The following PGR variants were observed in gnomAD, a reference collection of about 807,000 sequenced individuals.
PGR encodes the protein progesterone receptor, also known as nuclear receptor subfamily 3 group C member 3.
PGR carries 25 observed loss-of-function variants against 76.1 expected under a neutral mutation model. That is an observed-to-expected ratio of 0.33 (90% CI 0.24 to 0.46). The LOEUF is 0.46. Ranked by LOEUF, PGR falls within the 20% of genes least tolerant of loss-of-function variation. The probability of loss-of-function intolerance (pLI) is 1.00; values close to 1 mark genes in which losing one functional copy is unlikely to be tolerated. For synonymous variants in PGR, 579 were observed against 535.0 expected (o/e 1.08, Z -1.14); for missense variants, 1,172 against 1,225.3 (o/e 0.96, Z 0.65).
rs180864877 is a variant in PGR at position 101,070,312 on chromosome 11, A to G, written c.1907-7560T>C. Among the ~76,000 whole-genome samples the G allele has an allele frequency of 8.0e-3, 1,222 of 152,282 alleles. 16 individuals are homozygous for G. Among genetic ancestry groups the G allele is most frequent in the African/African-American group, 0.026 (1,079 of 41,546 alleles). On this transcript the variant is annotated intron_variant, in intron 3 of 7. Coordinates refer to ENST00000325455, the MANE Select transcript of PGR (RefSeq NM_000926.4). ...CCGGCCCAGATACTATGCTTTCCCCATGGTCTTTGCAACCCACAGACCAGG... is the reference window on the plus strand; with the variant it reads ...CCGGCCCAGATACTATGCTTTCCCCGTGGTCTTTGCAACCCACAGACCAGG...
Position 101,062,592 on chromosome 11 carries a change from G to A in PGR, c.2067C>T (p.Asn689=). Residue 689 remains asparagine, a synonymous_variant, in exon 4 of 8, where the codon AAC becomes AAT. Coordinates refer to ENST00000325455, the MANE Select transcript of PGR (RefSeq NM_000926.4). The stretch of plus-strand genomic sequence containing the variant: ...CATCTGGTTCAATGCTCATTAACAG[G>A]TTGATCAGTGGTGGAATCAACTGTA... ...QDIQLIPPLI[N]LLMSIEPDVI... is the part of the protein sequence containing the mutation. 2.5e-6 allele frequency: 4 copies of A among 1,614,028 alleles called. No individual in the cohort carries two copies. The highest frequency in any genetic ancestry group is 2.5e-6 in the Non-Finnish European group (3 of 1,179,954).
intron 4 of PGR, among the ~76,000 whole-genome samples, chr11:101,061,108 A>C (rs1860478918): frequency 6.6e-6 from 1 of 152,212 alleles, no homozygotes; most frequent in African/African-American, 2.4e-5. Flanking sequence ...AGAACAATGG[A>C]GAAAAATTAA....
At chr11:101,047,209 C>T (rs1279842748) in intron 6 of PGR, among the ~76,000 whole-genome samples, 1 of 152,140 alleles carries the variant, frequency 6.6e-6, no homozygotes, top group Non-Finnish European at 1.5e-5. Flanking sequence ...TGAGCAAAGC[C>T]TCCCTGTTGA....
intron 2 of PGR, among the ~76,000 whole-genome samples, chr11:101,121,607 A>G (rs1036443336): frequency 2.6e-5 from 4 of 152,220 alleles, no homozygotes; most frequent in African/African-American, 9.6e-5. Flanking sequence ...CCATTATCTG[A>G]CAGAGGGGTC....
Position 101,038,007 on chromosome 11 carries a change from TG to T in PGR, c.*1108del, listed in dbSNP as rs1591363088. The T allele has an allele frequency of 9.1e-5, 19 of 209,616 alleles. No homozygotes were observed. In the East Asian group the frequency reaches 1.3e-3, roughly 15 times the overall value. The allele number at this position is 209,616 out of a possible 1,614,324, so 13.0% of individuals were successfully genotyped here. The stretch of plus-strand genomic sequence containing the variant: ...AGACTCAGGGAAGATTTTACAGAAA[TG>T]ACATTTGGCTGAGTCTCGAAGGTTG... On this transcript the variant is annotated 3_prime_UTR_variant, in exon 8 of 8. Coordinates refer to ENST00000325455, the MANE Select transcript of PGR (RefSeq NM_000926.4).
At chr11:101,061,477 T>C (rs546989724) in intron 4 of PGR, among the ~76,000 whole-genome samples, 2 of 152,290 alleles carry the variant, frequency 1.3e-5, no homozygotes, top group South Asian at 4.1e-4. Flanking sequence ...ACCTTTTAGG[T>C]AGAATAATAA....
Position 101,076,915 on chromosome 11 carries a change from T to A in PGR, c.1907-14163A>T, listed in dbSNP as rs1008547052. On this transcript the variant is annotated intron_variant, in intron 3 of 7. Coordinates refer to ENST00000325455, the MANE Select transcript of PGR (RefSeq NM_000926.4). ...TTTACTATTTTTTTAAAACTACAAA[T>A]GGAATTTTTTTTTTTTTTTTTTTTT... 1.3e-4 allele frequency among the ~76,000 whole-genome samples: 17 copies of A among 130,352 alleles called. No individual in the cohort carries two copies. In the East Asian group the frequency reaches 5.1e-3, roughly 39 times the overall value. 85.5% of individuals were successfully genotyped at this position (130,352 alleles called of 152,430 possible).
chr11:101,072,589 C>T lies in PGR; in HGVS notation c.1907-9837G>A, dbSNP rs572329355. Reference sequence around the variant, plus strand: ...TGCTATATTCAGGAGACCCATCTCACAGGCAGAGACACAATATGCTCAAAA... The same window carrying T: ...TGCTATATTCAGGAGACCCATCTCATAGGCAGAGACACAATATGCTCAAAA... On this transcript the variant is annotated intron_variant, in intron 3 of 7. Coordinates refer to ENST00000325455, the MANE Select transcript of PGR (RefSeq NM_000926.4). Among the ~76,000 whole-genome samples the T allele has an allele frequency of 4.5e-4, 69 of 152,242 alleles. 1 individual carries two copies. Among genetic ancestry groups the T allele is most frequent in the African/African-American group, 1.5e-3 (62 of 41,544 alleles).
intron 2 of PGR, among the ~76,000 whole-genome samples, chr11:101,102,842 C>T (rs984531157): frequency 2.1e-4 from 7 of 33,046 alleles, no homozygotes; most frequent in Admixed American, 4.6e-4. Context: ...GAATTTTCCA[C>T]GGACTGGGGG....
chr11:101,078,808 T>C (rs1861212216), intron 3 of PGR, among the ~76,000 whole-genome samples: 1 of 152,218 alleles, frequency 6.6e-6, no homozygotes, highest in Non-Finnish European at 1.5e-5. Context: ...TACTGTAAGA[T>C]TTTATTAAAT....
chr11:101,065,076 A>G (rs536191199), intron 3 of PGR, among the ~76,000 whole-genome samples: 9 of 152,304 alleles, frequency 5.9e-5, no homozygotes, highest in African/African-American at 2.2e-4. Context: ...TTCATGACAC[A>G]TTTCTCAAAA....
intron 3 of PGR, among the ~76,000 whole-genome samples, chr11:101,074,924 A>C (rs1222226567): frequency 6.6e-6 from 1 of 152,220 alleles, no homozygotes; most frequent in African/African-American, 2.4e-5. Flanking sequence ...ATTCAATGCT[A>C]TCCCCAACAA....
chr11:101,127,875 C>G lies in PGR; in HGVS notation c.1196G>C (p.Arg399Pro), dbSNP rs369578132. 7 of 1,602,028 alleles carry G rather than the reference C, an allele frequency of 4.4e-6. No individual in the cohort carries two copies. Among genetic ancestry groups the G allele is most frequent in the African/African-American group, 2.7e-5 (2 of 74,826 alleles). Residue 399 changes from arginine to proline, a missense_variant, in exon 1 of 8, where the codon CGC (arginine) becomes CCC (proline). Coordinates refer to ENST00000325455, the MANE Select transcript of PGR (RefSeq NM_000926.4). Reference protein sequence around the residue: ...EEEEGAEASARSPRSYLVAGA... With the variant: ...EEEEGAEASAPSPRSYLVAGA... ...GGCCACAAGGTAGGAACGCGGGGAGCGCGCGGAGGCCTCCGCGCCTTCCTC... is the reference window on the plus strand; with the variant it reads ...GGCCACAAGGTAGGAACGCGGGGAGGGCGCGGAGGCCTCCGCGCCTTCCTC...
Position 101,039,138 on chromosome 11 carries a change from G to T in PGR, c.2780C>A (p.Pro927His), listed in dbSNP as rs769064153. 171 of 1,611,292 alleles carry T rather than the reference G, an allele frequency of 1.1e-4. No homozygotes were observed. Among genetic ancestry groups the T allele is most frequent in the Admixed American group, 2.7e-4 (16 of 59,832 alleles). ...CATTCACTTTTTATGAAAGAGAAGG[G>T]GTTTCACCATCCCTGCCAATATCTT... ...LPKILAGMVK[P>H]LLFHKK The change falls in exon 8 of 8, where the codon CCC becomes CAC. Residue 927 changes from proline (P) to histidine (H), a missense_variant. Around this residue, in one of 4 missense-constraint regions of PGR, gnomAD observed 166 missense variants for 296.0 expected, o/e 0.56. Transcript: ENST00000325455.
At chr11:101,059,155 T>C (rs1295874781) in intron 4 of PGR, among the ~76,000 whole-genome samples, 1 of 151,936 alleles carries the variant, frequency 6.6e-6, no homozygotes, top group African/African-American at 2.4e-5. Flanking sequence ...CTTTCTCTTA[T>C]CATGATTTAT....
At chr11:101,058,495 A>G (rs1262710271) in intron 4 of PGR, among the ~76,000 whole-genome samples, 2 of 152,202 alleles carry the variant, frequency 1.3e-5, no homozygotes, top group Non-Finnish European at 2.9e-5. Flanking sequence ...TACTGTTCTA[A>G]TATTCTGATA....
At chr11:101,127,151 G>A (rs1261103142) in intron 1 of PGR, 1 of 249,550 alleles carries the variant, frequency 4.0e-6, no homozygotes. Context: ...TTCGGAATCT[G>A]GAAGATTCGG....
At chr11:101,060,772 G>T (rs1860464266) in intron 4 of PGR, among the ~76,000 whole-genome samples, 1 of 152,100 alleles carries the variant, frequency 6.6e-6, no homozygotes, top group Non-Finnish European at 1.5e-5. Context: ...TACTAGTGTT[G>T]CCATTATTCT....
chr11:101,116,520 AC>A (rs1012597375), intron 2 of PGR, among the ~76,000 whole-genome samples: 3 of 152,254 alleles, frequency 2.0e-5, no homozygotes, highest in African/African-American at 7.2e-5. Context: ...CGGGAGGATC[AC>A]CTGAGGTCAG....
Sources: allele counts gnomAD v4.1 joint callset (sites outside exome capture counted in the v4.1 genomes callset), GRCh38; gene constraint gnomAD v4.1.1; regional missense constraint gnomAD v4.1.1; transcripts MANE v1.5; gene names NCBI Gene and HGNC (gene_info 2026-07-23, HGNC 2026-07-21).